ADPRHL1: variants seen among roughly 807,000 people sequenced by gnomAD.
ADPRHL1 encodes ADP-ribosylhydrolase like 1.
A neutral mutation model predicts 44.1 loss-of-function variants in ADPRHL1; 43 were observed. The observed-to-expected ratio is 0.98, with a 90% confidence interval of 0.76 to 1.26. ADPRHL1 has a LOEUF of 1.26. Ranked by LOEUF, ADPRHL1 falls within the 50% of genes most tolerant of loss-of-function variation. ADPRHL1 has a pLI of 0.00. For missense variants in ADPRHL1, 2,022 were observed against 2,496.9 expected, an observed-to-expected ratio of 0.81 and a Z score of 4.05; for synonymous variants, 878 against 1,017.4, an observed-to-expected ratio of 0.86 and a Z score of 2.61.
chr13:113,452,266 G>A (rs962310327), intron 1 of ADPRHL1, among the ~76,000 whole-genome samples: 7 of 152,144 alleles, frequency 4.6e-5, no homozygotes, highest in African/African-American at 9.7e-5. Context: ...ACGCCTCCCC[G>A]TCTCCAGCAA....
In ADPRHL1 at chr13:113,404,743, C is replaced by T; in HGVS notation, c.4539G>A (p.Gln1513=). The change falls in exon 8 of 8, where the codon CAG becomes CAA. Residue 1513 remains glutamine, a synonymous_variant. Transcript: ENST00000612156. ...HAQEQAQWQT[Q]IEAQGQAQEQ... ...CCTGTGCCTGCCCCTGGGCCTCTAT[C>T]TGGGTCTGCCACTGGGCCTGTTCTT... is the stretch of plus-strand genomic sequence containing the variant. 7.8e-7 allele frequency: 1 copy of T among 1,276,070 alleles called. No homozygotes were observed. The highest frequency in any genetic ancestry group is 9.8e-7 in the Non-Finnish European group (1 of 1,016,462). 79.0% of individuals were successfully genotyped at this position (1,276,070 alleles called of 1,614,324 possible).
chr13:113,413,959 A>G (rs1028607007), intron 7 of ADPRHL1, among the ~76,000 whole-genome samples: 1 of 152,214 alleles, frequency 6.6e-6, no homozygotes, highest in African/African-American at 2.4e-5. Context: ...CGCAGGAGAC[A>G]CACCCGGGCC....
At chr13:113,411,467 A>C (rs1293406670) in intron 7 of ADPRHL1, among the ~76,000 whole-genome samples, 1 of 152,196 alleles carries the variant, frequency 6.6e-6, no homozygotes, top group African/African-American at 2.4e-5. Flanking sequence ...TCCACCGCAC[A>C]TCTAAGTCTG....
At position 113,406,809 on chromosome 13, in the gene ADPRHL1, C is replaced by T. The variant is rs531652987; in HGVS notation, c.2473G>A (p.Ala825Thr). ...KVPEHIPPLN[A>T]PSVQAARRTQ... ...CTCCGAGCAGCCTGGACCGATGGAGCGTTCAGGGGTGGGATGTGCTCCGGC... is the reference window on the plus strand; with the variant it reads ...CTCCGAGCAGCCTGGACCGATGGAGTGTTCAGGGGTGGGATGTGCTCCGGC... The change falls in exon 8 of 8, where the codon GCT becomes ACT. Residue 825 changes from alanine to threonine, a missense_variant. Around this residue, in one of 8 missense-constraint regions of ADPRHL1, gnomAD observed 1,221 missense variants for 1,517.8 expected, o/e 0.80. Coordinates refer to ENST00000612156, the MANE Select transcript of ADPRHL1 (RefSeq NM_001394807.1). 5.7e-6 allele frequency: 7 copies of T among 1,231,896 alleles called. No homozygotes were observed. Among genetic ancestry groups the T allele is most frequent in the East Asian group, 3.2e-5 (1 of 31,732 alleles). 76.3% of individuals were successfully genotyped at this position (1,231,896 alleles called of 1,614,324 possible).
At chr13:113,420,768 T>C (rs899310087) in intron 7 of ADPRHL1, among the ~76,000 whole-genome samples, 1 of 151,952 alleles carries the variant, frequency 6.6e-6, no homozygotes, top group African/African-American at 2.4e-5. Flanking sequence ...TCCATCAGCA[T>C]GGACTACACT....
Position 113,404,798 on chromosome 13 carries a change from C to CA in ADPRHL1, c.4483dup (p.Trp1495LeufsTer329). On this transcript the variant is annotated frameshift_variant, in exon 8 of 8. Coordinates refer to ENST00000612156, the MANE Select transcript of ADPRHL1 (RefSeq NM_001394807.1). LOFTEE classifies it low-confidence loss of function (END_TRUNC). ...GTGTCCCTGAACCTGTCCCCGGTCC[C>CA]ATTCCTGAACCTGTTTCTGGGCCTG... The CA allele has an allele frequency of 8.0e-7, 1 of 1,253,638 alleles. No individual in the cohort carries two copies. Among genetic ancestry groups the CA allele is most frequent in the Non-Finnish European group, 1.0e-6 (1 of 1,002,208 alleles). 77.7% of individuals were successfully genotyped at this position (1,253,638 alleles called of 1,614,324 possible). A position where few individuals can be genotyped will look rare whatever the true frequency, so the allele number is the denominator to read the frequency against.
intron 7 of ADPRHL1, among the ~76,000 whole-genome samples, chr13:113,418,115 G>A (rs748650209): frequency 4.6e-5 from 7 of 152,128 alleles, no homozygotes; most frequent in Non-Finnish European, 7.3e-5. Flanking sequence ...TGTGGTTTTC[G>A]GATGCGTCGG....
chr13:113,437,293 C>T (rs569259928), intron 2 of ADPRHL1, among the ~76,000 whole-genome samples: 8 of 148,828 alleles, frequency 5.4e-5, no homozygotes, highest in African/African-American at 1.5e-4. Context: ...AGCACCCAGG[C>T]GCAGGGTGAA....
chr13:113,421,499 C>G (rs796917290), intron 7 of ADPRHL1, among the ~76,000 whole-genome samples: 4 of 152,106 alleles, frequency 2.6e-5, no homozygotes, highest in Non-Finnish European at 5.9e-5. Context: ...CCCTGGGACA[C>G]GCCTGCTCCT....
intron 7 of ADPRHL1, among the ~76,000 whole-genome samples, chr13:113,416,999 C>T (rs9604103): frequency 0.47 from 72,152 of 152,132 alleles, 17,773 homozygotes; most frequent in African/African-American, 0.56. Flanking sequence ...TGGGAGTTGT[C>T]GGAGCTAGTT....
chr13:113,448,028 A>G (rs2044154275), intron 1 of ADPRHL1, among the ~76,000 whole-genome samples: 1 of 152,260 alleles, frequency 6.6e-6, no homozygotes, highest in African/African-American at 2.4e-5. Flanking sequence ...AACAGAAGCC[A>G]TAAAACAAAA....
At position 113,405,956 on chromosome 13, in the gene ADPRHL1, T is replaced by C. The variant is rs925517246; in HGVS notation, c.3326A>G (p.Lys1109Arg). 46 of 1,231,958 alleles carry C rather than the reference T, an allele frequency of 3.7e-5. No homozygotes were observed. The highest frequency in any genetic ancestry group is 6.3e-5 in the East Asian group (2 of 31,720). 76.3% of individuals were successfully genotyped at this position (1,231,958 alleles called of 1,614,324 possible). A position where few individuals can be genotyped will look rare whatever the true frequency, so the allele number is the denominator to read the frequency against. ...SLNEPPKPGM[K>R]ACGAMAAAGS... ...TGCAGCTGCCATCGCCCCACAGGCTTTCATACCTGGTTTGGGTGGTTCATT... is the reference window on the plus strand; with the variant it reads ...TGCAGCTGCCATCGCCCCACAGGCTCTCATACCTGGTTTGGGTGGTTCATT... Residue 1109 changes from lysine to arginine, a missense_variant, in exon 8 of 8, where the codon AAA (lysine) becomes AGA (arginine). Transcript: ENST00000612156.
Position 113,406,062 on chromosome 13 carries a change from G to A in ADPRHL1, c.3220C>T (p.Leu1074=). ...GALEECRRPL[L]IESSQPLKAA... ...TTCAGGGGCTGAGAAGACTCTATTA[G>A]CAGCGGCCTTCTGCATTCCTCCAGC... Residue 1074 remains leucine (L), a synonymous_variant, in exon 8 of 8, where the codon CTA becomes TTA. Transcript: ENST00000612156. 1 of 1,232,170 alleles carries A rather than the reference G, an allele frequency of 8.1e-7. No individual in the cohort carries two copies. The highest frequency in any genetic ancestry group is 1.0e-6 in the Non-Finnish European group (1 of 988,016). The allele number at this position is 1,232,170 out of a possible 1,614,324, so 76.3% of individuals were successfully genotyped here.
Position 113,404,148 on chromosome 13 carries a change from CCCG to C in ADPRHL1, c.5131_5133del (p.Arg1711del). 2 of 863,704 alleles carry C rather than the reference CCCG, an allele frequency of 2.3e-6. No homozygotes were observed. The highest frequency in any genetic ancestry group is 2.9e-6 in the Non-Finnish European group (2 of 680,562). The allele number at this position is 863,704 out of a possible 1,614,324, so 53.5% of individuals were successfully genotyped here. On this transcript the variant is annotated inframe_deletion, in exon 8 of 8. Transcript: ENST00000612156. ...GCCCCTTTCTGGGCCTGTTCCCGAG[CCCG>C]CTCCTGAGCCCCTTTCTGGGCCTGT...
In ADPRHL1 at chr13:113,453,006, A is replaced by G. The variant is rs1437983984; in HGVS notation, c.214+218T>C. On this transcript the variant is annotated intron_variant, in intron 1 of 7. Coordinates refer to ENST00000612156, the MANE Select transcript of ADPRHL1 (RefSeq NM_001394807.1). This position sits in a 1 kb window ranked among gnomAD's most constrained non-coding sequence, Gnocchi z 5.4. ...CTTAATAACTGCAAAGTAAAGTAAT[A>G]CTGTCACCCTCAGAGAAACCACAGG... is the stretch of plus-strand genomic sequence containing the variant. 1.3e-5 allele frequency among the ~76,000 whole-genome samples: 2 copies of G among 152,220 alleles called. No individual in the cohort carries two copies. Among genetic ancestry groups the G allele is most frequent in the South Asian group, 4.1e-4 (2 of 4,826 alleles).
At chr13:113,449,014 C>CAAGTGACTTGGTGATA in intron 1 of ADPRHL1, 2 of 986,444 alleles carry the variant, frequency 2.0e-6, no homozygotes, top group African/African-American at 3.5e-5. Context: ...AAACGCTTGC[C>CAAGTGACTTGGTGATA]AAGTGACTTG....
Position 113,406,606 on chromosome 13 carries a change from G to A in ADPRHL1, c.2676C>T (p.Asn892=). 8.1e-7 allele frequency: 1 copy of A among 1,232,056 alleles called. No individual in the cohort carries two copies. The highest frequency in any genetic ancestry group is 1.0e-6 in the Non-Finnish European group (1 of 987,986). The allele number at this position is 1,232,056 out of a possible 1,614,324, so 76.3% of individuals were successfully genotyped here. ...AHTEFPTVTE[N]RRGHRAPVEL... ...CCACTGGGGCTCGGTGACCCCTTCT[G>A]TTCTCAGTCACGGTGGGAAATTCTG... The change falls in exon 8 of 8, where the codon AAC becomes AAT. Residue 892 remains asparagine (N), a synonymous_variant. Coordinates refer to ENST00000612156, the MANE Select transcript of ADPRHL1 (RefSeq NM_001394807.1).
chr13:113,451,040 G>C (rs1483770943), intron 1 of ADPRHL1, among the ~76,000 whole-genome samples: 2 of 151,966 alleles, frequency 1.3e-5, no homozygotes, highest in Non-Finnish European at 2.9e-5. Context: ...CCTGGTAACG[G>C]GCGTCTTCCC....
rs760849716 is a variant in ADPRHL1 at position 113,428,992 on chromosome 13, C to CA, written c.605dup (p.Ala203GlyfsTer23). On this transcript the variant is annotated frameshift_variant, in exon 4 of 8. Transcript: ENST00000612156. LOFTEE classifies it high-confidence loss of function. ...TGGTCTTCCTGCAGTACTCTTCTGC[C>CA]AGAGGCACCGCCCGCAGCATGTCTC... 2 of 1,612,822 alleles carry CA rather than the reference C, an allele frequency of 1.2e-6. No homozygotes were observed. The highest frequency in any genetic ancestry group is 2.7e-5 in the African/African-American group (2 of 75,062).
Sources: gnomAD v4.1 joint callset for allele counts (sites outside exome capture counted in the v4.1 genomes callset) on GRCh38, gnomAD v4.1.1 for gene constraint, gnomAD v4.1.1 regional missense constraint, Gnocchi (gnomAD v3.1) non-coding constraint, MANE v1.5 for transcripts, NCBI Gene and HGNC (gene_info 2026-07-23, HGNC 2026-07-21) for gene names.